The following TENM2 variants were observed in gnomAD, a reference collection of about 807,000 sequenced individuals.
The protein encoded by TENM2 is teneurin transmembrane protein 2.
In TENM2, 52 loss-of-function variants were observed where a neutral mutation model predicts 245.2. The observed-to-expected ratio is 0.21, with a 90% confidence interval of 0.17 to 0.27. The LOEUF is 0.27. Among genes scored for constraint, TENM2 ranks in the 10% least tolerant of loss-of-function variants. The pLI, the probability that TENM2 is intolerant of heterozygous loss-of-function variation, is 1.00. For missense variants in TENM2, 3,046 were observed against 3,666.8 expected, an observed-to-expected ratio of 0.83 and a Z score of 4.37; for synonymous variants, 1,363 against 1,438.9, an observed-to-expected ratio of 0.95 and a Z score of 1.19.
At chr5:167,450,230 T>C (rs998820517) in intron 2 of TENM2, among the ~76,000 whole-genome samples, 2 of 152,232 alleles carry the variant, frequency 1.3e-5, no homozygotes, top group African/African-American at 4.8e-5. Flanking sequence ...TCTTGGTACC[T>C]GCTTTCCCCT....
the TENM2 span, among the ~76,000 whole-genome samples, chr5:167,108,080 T>C: frequency 6.6e-6 from 1 of 152,200 alleles, no homozygotes; most frequent in Non-Finnish European, 1.5e-5. Flanking sequence ...TTCGTTGTAG[T>C]CATCCATACA....
At chr5:167,481,507 C>T (rs1161931126) in intron 2 of TENM2, among the ~76,000 whole-genome samples, 1 of 152,170 alleles carries the variant, frequency 6.6e-6, no homozygotes, top group East Asian at 1.9e-4. Flanking sequence ...ACTACAAAGG[C>T]ACGGTTCTGT....
intron 5 of TENM2, among the ~76,000 whole-genome samples, chr5:168,034,155 A>G (rs1306670751): frequency 3.8e-5 from 4 of 104,276 alleles, no homozygotes; most frequent in African/African-American, 1.4e-4. Flanking sequence ...ATATGTGTAT[A>G]TATATATGTA....
At chr5:167,589,653 C>T (rs1009677551) in intron 2 of TENM2, among the ~76,000 whole-genome samples, 1 of 151,580 alleles carries the variant, frequency 6.6e-6, no homozygotes, top group African/African-American at 2.4e-5. Flanking sequence ...TATTCATAAT[C>T]CCATCCAAGT....
the TENM2 span, among the ~76,000 whole-genome samples, chr5:167,070,973 T>G: frequency 6.6e-6 from 1 of 152,196 alleles, no homozygotes; most frequent in Admixed American, 6.5e-5. Context: ...ATCTTTCGAC[T>G]AAATTGGTGA....
chr5:167,489,284 C>CAA (rs1768279768), intron 2 of TENM2, among the ~76,000 whole-genome samples: 2 of 152,198 alleles, frequency 1.3e-5, no homozygotes, highest in Non-Finnish European at 2.9e-5. Flanking sequence ...TCTGGCTCTA[C>CAA]TGACCTTTCA....
intron 6 of TENM2, among the ~76,000 whole-genome samples, chr5:168,054,912 A>C (rs1789411362): frequency 6.6e-6 from 1 of 152,218 alleles, no homozygotes; most frequent in South Asian, 2.1e-4. Context: ...GAACAATTGT[A>C]TCTTAAGCAC....
At chr5:167,442,106 G>C (rs948662089) in intron 2 of TENM2, among the ~76,000 whole-genome samples, 1 of 152,122 alleles carries the variant, frequency 6.6e-6, no homozygotes, top group Admixed American at 6.5e-5. Flanking sequence ...ATGAAATCTT[G>C]CATTTGAAAA....
At chr5:167,062,758 AAATAT>A in the TENM2 span, among the ~76,000 whole-genome samples, 1 of 152,192 alleles carries the variant, frequency 6.6e-6, no homozygotes, top group Non-Finnish European at 1.5e-5. Context: ...GAGATGAAGA[AAATAT>A]AATAGGGTAT....
At chr5:167,299,931 T>TA (rs1393800878) in intron 1 of TENM2, among the ~76,000 whole-genome samples, 1 of 152,156 alleles carries the variant, frequency 6.6e-6, no homozygotes, top group Non-Finnish European at 1.5e-5. Flanking sequence ...TTTTGGAAGT[T>TA]ACGAGAAATG....
At chr5:167,435,995 T>TTTTTTTTTTTC (rs1764534731) in intron 2 of TENM2, among the ~76,000 whole-genome samples, 1 of 136,504 alleles carries the variant, frequency 7.3e-6, no homozygotes, top group Admixed American at 7.7e-5. Context: ...TTTTTTTTTT[T>TTTTTTTTTTTC]GAGACAGAGT....
At chr5:167,260,748 A>C in the TENM2 span, among the ~76,000 whole-genome samples, 1 of 152,198 alleles carries the variant, frequency 6.6e-6, no homozygotes, top group South Asian at 2.1e-4. Context: ...TAATATAATT[A>C]ACATAGAGCA....
intron 13 of TENM2, among the ~76,000 whole-genome samples, chr5:168,176,221 C>A (rs370532011): frequency 6.6e-6 from 1 of 152,214 alleles, no homozygotes. Flanking sequence ...CTATCACACC[C>A]CTGCTCAAGC....
intron 5 of TENM2, among the ~76,000 whole-genome samples, chr5:168,029,928 G>A (rs1279198069): frequency 6.6e-6 from 1 of 152,132 alleles, no homozygotes; most frequent in Non-Finnish European, 1.5e-5. Flanking sequence ...AGTTTGGAAA[G>A]CAGAGTTCTG....
chr5:168,201,218 A>C (rs1186523987), intron 17 of TENM2, among the ~76,000 whole-genome samples: 4 of 152,088 alleles, frequency 2.6e-5, no homozygotes, highest in South Asian at 2.1e-4. Flanking sequence ...GGTAGTAAGA[A>C]GTTCCCAGAG....
rs376972924 is a variant in TENM2, at chr5:168,189,973, G to A, written c.2570-364G>A. On this transcript the variant is annotated intron_variant, in intron 13 of 28. Coordinates refer to ENST00000518659, the Ensembl canonical transcript of TENM2. ...ACGGACCCCTGGGAACTGACCGTGGGTAATTTGCTGTGCTGTGTTGTTTAA... is the reference window on the plus strand; with the variant it reads ...ACGGACCCCTGGGAACTGACCGTGGATAATTTGCTGTGCTGTGTTGTTTAA... Among the ~76,000 whole-genome samples, 6 of 152,182 alleles carry A rather than the reference G, an allele frequency of 3.9e-5. No individual in the cohort carries two copies. In the East Asian group the frequency reaches 9.7e-4, roughly 25 times the overall value.
At chr5:167,458,486 CAAAAAAACAAAAAA>C (rs1257687310) in intron 2 of TENM2, among the ~76,000 whole-genome samples, 2 of 35,760 alleles carry the variant, frequency 5.6e-5, no homozygotes, top group East Asian at 3.3e-4. Flanking sequence ...GACTCCGTCT[CAAAAAAACAAAAAA>C]AAAAAAAAAA....
chr5:167,153,694 C>CGTAT, the TENM2 span, among the ~76,000 whole-genome samples: 1 of 151,292 alleles, frequency 6.6e-6, no homozygotes, highest in African/African-American at 2.5e-5. Flanking sequence ...CACACACACA[C>CGTAT]ACATATATCC....
intron 12 of TENM2, among the ~76,000 whole-genome samples, chr5:168,157,322 C>T (rs1432785324): frequency 1.3e-5 from 2 of 152,150 alleles, no homozygotes; most frequent in African/African-American, 2.4e-5. Flanking sequence ...CATATGAAGT[C>T]AGCAAGCCCA....
Sources: gnomAD v4.1 joint callset for allele counts (sites outside exome capture counted in the v4.1 genomes callset) on GRCh38, gnomAD v4.1.1 for gene constraint, MANE v1.5 for transcripts, NCBI Gene and HGNC (gene_info 2026-07-23, HGNC 2026-07-21) for gene names.